MYO3B: variants seen among roughly 807,000 people sequenced by gnomAD.
The protein encoded by MYO3B is myosin-IIIb.
Under a neutral mutation model 174.6 loss-of-function variants are expected in MYO3B, and 156 were observed. The ratio of observed to expected loss-of-function variants is 0.89; its 90% CI spans 0.78 to 1.02. MYO3B has a LOEUF of 1.02. Ranked by LOEUF, MYO3B falls within the 50% of genes least tolerant of loss-of-function variation. The pLI is 0.00. For missense variants in MYO3B, 1,632 were observed against 1,639.4 expected, an observed-to-expected ratio of 1.00 and a Z score of 0.08; for synonymous variants, 563 against 569.1, an observed-to-expected ratio of 0.99 and a Z score of 0.15.
chr2:170,283,581 A>G (rs2093530478), intron 7 of MYO3B, among the ~76,000 whole-genome samples: 1 of 152,026 alleles, frequency 6.6e-6, no homozygotes, highest in Non-Finnish European at 1.5e-5. Context: ...TATGGGACAT[A>G]CCTTTTTGGT....
intron 25 of MYO3B, among the ~76,000 whole-genome samples, chr2:170,480,858 G>A (rs1194678530): frequency 6.6e-6 from 1 of 152,214 alleles, no homozygotes; most frequent in Non-Finnish European, 1.5e-5. Flanking sequence ...CATCATTTGA[G>A]AGTTTTTCCC....
intron 7 of MYO3B, among the ~76,000 whole-genome samples, chr2:170,271,035 T>C (rs78438215): frequency 6.6e-6 from 1 of 152,342 alleles, no homozygotes; most frequent in African/African-American, 2.4e-5. Context: ...AAGGCAGTTA[T>C]ATTTATTTGC....
At chr2:170,346,849 G>C (rs1299403638) in intron 8 of MYO3B, among the ~76,000 whole-genome samples, 1 of 152,214 alleles carries the variant, frequency 6.6e-6, no homozygotes, top group African/African-American at 2.4e-5. Context: ...TCCCTGCAAT[G>C]CTGTGTTAAG....
intron 10 of MYO3B, chr2:170,382,532 A>T (rs1226869435): frequency 1.2e-5 from 2 of 170,736 alleles, no homozygotes; most frequent in Admixed American, 5.5e-5. Context: ...GATAATCCCC[A>T]TTTAAAATAT....
chr2:170,400,116 C>A, intron 16 of MYO3B, 72 bp from the exon 17 acceptor site: 2 of 1,574,674 alleles, frequency 1.3e-6, no homozygotes, highest in Admixed American at 1.7e-5. Context: ...TAGTAGTTTC[C>A]ACTACAGGTC....
intron 22 of MYO3B, among the ~76,000 whole-genome samples, chr2:170,419,973 A>G (rs1431628557): frequency 6.6e-6 from 1 of 152,216 alleles, no homozygotes; most frequent in African/African-American, 2.4e-5. Flanking sequence ...TCACGAGGTC[A>G]GGAGTTCAAG....
At chr2:170,344,349 C>A (rs1169222608) in intron 8 of MYO3B, 1 of 152,056 alleles carries the variant, frequency 6.6e-6, no homozygotes, top group Non-Finnish European at 1.5e-5. Flanking sequence ...ACCTGTAATC[C>A]CAGCTACTTG....
At chr2:170,288,759 T>C (rs971059432) in intron 7 of MYO3B, among the ~76,000 whole-genome samples, 6 of 152,128 alleles carry the variant, frequency 3.9e-5, no homozygotes, top group South Asian at 2.1e-4. Context: ...TTGTATTGAA[T>C]AAGAGAAGTG....
intron 32 of MYO3B, among the ~76,000 whole-genome samples, chr2:170,646,396 G>T (rs1575333889): frequency 1.3e-5 from 2 of 151,382 alleles, no homozygotes; most frequent in Non-Finnish European, 2.9e-5. Flanking sequence ...TTTTTTCTGG[G>T]TTTTTTTCTT....
Position 170,618,862 on chromosome 2 carries a change from G to T in MYO3B, c.3734-32766G>T, listed in dbSNP as rs533401889. 3.9e-5 allele frequency among the ~76,000 whole-genome samples: 6 copies of T among 152,048 alleles called. No individual in the cohort carries two copies. The South Asian group carries it at 1.2e-3, about 32-fold the overall frequency. On this transcript the variant is annotated intron_variant, in intron 32 of 34. Transcript: ENST00000408978. ...TAGAAGTACAGTACATTTGTATGTA[G>T]AAGTACAGCATAGAGAGATAAGAAT...
intron 30 of MYO3B, among the ~76,000 whole-genome samples, chr2:170,527,546 T>C (rs948185591): frequency 2.6e-5 from 4 of 152,232 alleles, no homozygotes; most frequent in African/African-American, 9.6e-5. Context: ...AGATCCCTAC[T>C]TAACCGCCTG....
At chr2:170,441,337 C>A (rs76597034) in intron 22 of MYO3B, among the ~76,000 whole-genome samples, 2,572 of 152,146 alleles carry the variant, frequency 0.017, 30 homozygotes, top group African/African-American at 0.03. Context: ...TGTGTGAATC[C>A]TTGTCTTGTT....
At chr2:170,524,158 T>G (rs1688853108) in intron 30 of MYO3B, among the ~76,000 whole-genome samples, 2 of 151,690 alleles carry the variant, frequency 1.3e-5, no homozygotes, top group Admixed American at 1.3e-4. Context: ...GCTATGCCAG[T>G]TTTTTTTCCC....
intron 7 of MYO3B, among the ~76,000 whole-genome samples, chr2:170,288,641 A>G (rs1338026998): frequency 6.6e-6 from 1 of 151,994 alleles, no homozygotes; most frequent in African/African-American, 2.4e-5. Context: ...GTTTTTCTAG[A>G]TATGAAATCA....
At chr2:170,346,316 T>C (rs1184452750) in intron 8 of MYO3B, 2 of 152,196 alleles carry the variant, frequency 1.3e-5, no homozygotes, top group Admixed American at 6.5e-5. Context: ...GATTTTTTTT[T>C]AAAGCTCATC....
intron 7 of MYO3B, among the ~76,000 whole-genome samples, chr2:170,328,108 C>T (rs1023308100): frequency 6.6e-6 from 1 of 151,886 alleles, no homozygotes; most frequent in African/African-American, 2.4e-5. Context: ...TGTTGTATTG[C>T]CCAGGCTGAT....
intron 32 of MYO3B, among the ~76,000 whole-genome samples, chr2:170,546,068 C>A (rs1221313799): frequency 6.6e-6 from 1 of 152,178 alleles, no homozygotes; most frequent in Non-Finnish European, 1.5e-5. Flanking sequence ...TCCGAACATG[C>A]CTGGTGTGTT....
intron 23 of MYO3B, among the ~76,000 whole-genome samples, chr2:170,444,277 A>C (rs553005776): frequency 6.6e-6 from 1 of 152,330 alleles, no homozygotes; most frequent in East Asian, 1.9e-4. Flanking sequence ...TACCTGAAAA[A>C]ATAAAGTCTA....
intron 13 of MYO3B, among the ~76,000 whole-genome samples, chr2:170,386,527 T>C (rs1007844261): frequency 7.9e-5 from 12 of 152,068 alleles, no homozygotes; most frequent in African/African-American, 2.9e-4. Context: ...TTCAATGTAA[T>C]AGAAACATTC....
Sources: allele counts gnomAD v4.1 joint callset (sites outside exome capture counted in the v4.1 genomes callset), GRCh38; gene constraint gnomAD v4.1.1; transcripts MANE v1.5; gene names NCBI Gene and HGNC (gene_info 2026-07-23, HGNC 2026-07-21).